HELZ: variants seen among roughly 807,000 people sequenced by gnomAD.
HELZ encodes ATP-dependent RNA helicase with zinc finger domain.
HELZ carries 23 observed loss-of-function variants against 218.2 expected under a neutral mutation model. The observed-to-expected ratio is 0.11, with a 90% CI of 0.08 to 0.15. The LOEUF (loss-of-function observed/expected upper bound fraction) is 0.15. Among genes scored for constraint, HELZ ranks in the 10% least tolerant of loss-of-function variants. HELZ has a pLI of 1.00. For missense variants in HELZ, 1,813 were observed against 2,353.7 expected (o/e 0.77, Z 4.75); for synonymous variants, 814 against 829.4 (o/e 0.98, Z 0.32).
intron 4 of HELZ, among the ~76,000 whole-genome samples, chr17:67,216,803 C>T (rs1402968956): frequency 6.6e-6 from 1 of 152,184 alleles, no homozygotes; most frequent in East Asian, 1.9e-4. Context: ...CACTACTCCT[C>T]ATTTCCTCAC....
intron 12 of HELZ, among the ~76,000 whole-genome samples, chr17:67,183,171 A>T (rs1170595361): frequency 6.6e-6 from 1 of 152,224 alleles, no homozygotes; most frequent in African/African-American, 2.4e-5. Context: ...TAACAATAAA[A>T]TAAAATCCCA....
At chr17:67,217,135 C>G (rs1412555823) in intron 4 of HELZ, among the ~76,000 whole-genome samples, 2 of 152,270 alleles carry the variant, frequency 1.3e-5, no homozygotes, top group East Asian at 3.9e-4. Context: ...AATGACATCT[C>G]AAACTCAGTA....
At chr17:67,212,135 A>G (rs2040468662) in intron 5 of HELZ, among the ~76,000 whole-genome samples, 1 of 151,822 alleles carries the variant, frequency 6.6e-6, no homozygotes, top group Non-Finnish European at 1.5e-5. Context: ...CAGCCTGGCC[A>G]ACATGGTGAA....
intron 5 of HELZ, among the ~76,000 whole-genome samples, chr17:67,211,500 G>A (rs911599649): frequency 2.6e-5 from 4 of 152,118 alleles, no homozygotes; most frequent in Admixed American, 2.6e-4. Flanking sequence ...CCAAAGTTTT[G>A]AGAATATGAA....
Position 67,108,515 on chromosome 17 carries a change from A to G in HELZ, c.4701T>C (p.Asp1567=), listed in dbSNP as rs1598235837. Residue 1567 remains aspartate (D), a synonymous_variant, in exon 30 of 33, where the codon GAT becomes GAC. Coordinates refer to ENST00000358691, the MANE Select transcript of HELZ (RefSeq NM_014877.4). This position sits in a 1 kb window ranked among gnomAD's most constrained non-coding sequence, Gnocchi z 4.1. ...ADWKLTSSAE[D]EVETTYSRFQ... ...ACCTTGAGTATGTGGTCTCCACTTCATCTTCGGCACTGCTGGTGAGCTTCC... is the reference window on the plus strand; with the variant it reads ...ACCTTGAGTATGTGGTCTCCACTTCGTCTTCGGCACTGCTGGTGAGCTTCC... The G allele has an allele frequency of 6.2e-7, 1 of 1,614,078 alleles. No homozygotes were observed. The highest frequency in any genetic ancestry group is 8.5e-7 in the Non-Finnish European group (1 of 1,179,992).
At position 67,167,628 on chromosome 17, in the gene HELZ, A is replaced by C. The variant is rs769617687; in HGVS notation, c.1599T>G (p.Ala533=). ...AGRLVMTKVN[A]VYLLPVPKQK... ...GTTTAGGGACTGGTAATAAATAAAC[A>C]GCATTGACTTTGGTCATCACCAGTC... Residue 533 remains alanine (A), a synonymous_variant, in exon 14 of 33, where the codon GCT becomes GCG. Transcript: ENST00000358691. 1.2e-6 allele frequency: 2 copies of C among 1,614,216 alleles called. No individual in the cohort carries two copies. Among genetic ancestry groups the C allele is most frequent in the Non-Finnish European group, 1.7e-6 (2 of 1,180,036 alleles).
At chr17:67,159,089 C>T (rs1221207272) in intron 17 of HELZ, among the ~76,000 whole-genome samples, 2 of 152,126 alleles carry the variant, frequency 1.3e-5, no homozygotes, top group Non-Finnish European at 2.9e-5. Context: ...ACACCTATAG[C>T]AAAAATGCTA....
At position 67,203,417 on chromosome 17, in the gene HELZ, C is replaced by T. The variant is rs1487504549; in HGVS notation, c.274G>A (p.Glu92Lys). The change falls in exon 6 of 33, where the codon GAA (glutamate) becomes AAA (lysine). Residue 92 changes from glutamate to lysine, a missense_variant. Glu to Lys is a moderately conservative substitution (Grantham distance 56). This residue lies in a region of HELZ where 714 missense variants were observed against 1,029.2 expected (regional missense o/e 0.69). Coordinates refer to ENST00000358691, the MANE Select transcript of HELZ (RefSeq NM_014877.4). Reference sequence around the variant, plus strand: ...CAAAGCACTGCCCGAAAGGCATCTTCTCCCTTGGCCAGTCCTTCTCCCAGC... The same window carrying T: ...CAAAGCACTGCCCGAAAGGCATCTTTTCCCTTGGCCAGTCCTTCTCCCAGC... ...HVLGEGLAKG[E>K]DAFRAVLCCM... The T allele has an allele frequency of 1.2e-6, 2 of 1,614,144 alleles. No individual in the cohort carries two copies. Among genetic ancestry groups the T allele is most frequent in the South Asian group, 2.2e-5 (2 of 91,080 alleles).
intron 32 of HELZ, among the ~76,000 whole-genome samples, chr17:67,080,461 T>C (rs2036154964): frequency 6.6e-6 from 1 of 152,224 alleles, no homozygotes; most frequent in East Asian, 1.9e-4. Flanking sequence ...ACCTTCTATT[T>C]AATTAAACAG....
intron 28 of HELZ, among the ~76,000 whole-genome samples, chr17:67,113,907 A>G (rs978214312): frequency 6.6e-6 from 1 of 152,248 alleles, no homozygotes; most frequent in African/African-American, 2.4e-5. Flanking sequence ...CAGAGAAAAT[A>G]GATGAATGGA....
chr17:67,224,830 C>A, intron 3 of HELZ: 1 of 1,027,854 alleles, frequency 9.7e-7, no homozygotes, highest in Non-Finnish European at 1.5e-6. Flanking sequence ...TCTGTATGCC[C>A]AGGGAAAGCA....
chr17:67,218,585 G>A lies in HELZ; in HGVS notation c.210+10C>T, dbSNP rs1298745996. The A allele has an allele frequency of 1.3e-6, 2 of 1,594,164 alleles. No homozygotes were observed. Among genetic ancestry groups the A allele is most frequent in the Non-Finnish European group, 1.7e-6 (2 of 1,161,804 alleles). ...AGTTCAGCATTGGCTTATTGACAGT[G>A]TTTACTCACCAGTTGCAAAAATGAG... is the stretch of plus-strand genomic sequence containing the variant. On this transcript the variant is annotated intron_variant, in intron 4 of 32. Coordinates refer to ENST00000358691, the MANE Select transcript of HELZ (RefSeq NM_014877.4).
At position 67,227,643 on chromosome 17, in the gene HELZ, C is replaced by T. The variant is rs181552319; in HGVS notation, c.-18-8821G>A. On this transcript the variant is annotated intron_variant, in intron 3 of 32. Transcript: ENST00000358691. Reference sequence around the variant, plus strand: ...CTCTCCAAATGGAACAATGATTGAGCTCTCTTGGCAAAAAATGTAGAATAC... The same window carrying T: ...CTCTCCAAATGGAACAATGATTGAGTTCTCTTGGCAAAAAATGTAGAATAC... Among the ~76,000 whole-genome samples, 14 of 152,236 alleles carry T rather than the reference C, an allele frequency of 9.2e-5. No homozygotes were observed. In the East Asian group the frequency reaches 2.7e-3, roughly 29 times the overall value.
chr17:67,089,694 G>GAGAGAGAGAGAGAGAGAGAGAGAC lies in HELZ; in HGVS notation c.5242-2614_5242-2613insGTCTCTCTCTCTCTCTCTCTCTCT, dbSNP rs776184027. ...AGAGAGAGAGAGAGAGAGAGAGAGA[G>GAGAGAGAGAGAGAGAGAGAGAGAC]AGAGAGACAGAGAGACAGAGAGAGA... is the stretch of plus-strand genomic sequence containing the variant. On this transcript the variant is annotated intron_variant, in intron 31 of 32. Coordinates refer to ENST00000358691, the MANE Select transcript of HELZ (RefSeq NM_014877.4). Among the ~76,000 whole-genome samples the GAGAGAGAGAGAGAGAGAGAGAGAC allele has an allele frequency of 1.8e-3, 185 of 100,556 alleles. 2 individuals are homozygous for GAGAGAGAGAGAGAGAGAGAGAGAC. The highest frequency in any genetic ancestry group is 7.6e-3 in the South Asian group (16 of 2,118). The allele number at this position is 100,556 out of a possible 152,430, so 66.0% of individuals were successfully genotyped here.
chr17:67,194,854 CT>C lies in HELZ; in HGVS notation c.481+564del, dbSNP rs1384466038. 2.0e-5 allele frequency among the ~76,000 whole-genome samples: 3 copies of C among 152,316 alleles called. No homozygotes were observed. In the South Asian group the frequency reaches 6.2e-4, roughly 32 times the overall value. On this transcript the variant is annotated intron_variant, in intron 8 of 32. Coordinates refer to ENST00000358691, the MANE Select transcript of HELZ (RefSeq NM_014877.4). ...CTTCATCTCTATACTAGCTGTGTGACTTTAGGGCAACTCATAAACCTTAATG... is the reference window on the plus strand; with the variant it reads ...CTTCATCTCTATACTAGCTGTGTGACTTAGGGCAACTCATAAACCTTAATG...
In HELZ at chr17:67,190,229, A is replaced by C. The variant is rs1336470885; in HGVS notation, c.684T>G (p.Asn228Lys). ...RLIKLKQQNE[N>K]KQLSGSYMET... ...CCATGTAACTGCCTGAGAGCTGTTTATTCTCATTTTGCTGTTTCAATTTTA... is the reference window on the plus strand; with the variant it reads ...CCATGTAACTGCCTGAGAGCTGTTTCTTCTCATTTTGCTGTTTCAATTTTA... Residue 228 changes from asparagine (N) to lysine (K), a missense_variant, in exon 10 of 33, where the codon AAT (asparagine) becomes AAG (lysine). Physicochemically the swap from Asn to Lys is moderately conservative, Grantham distance 94. Coordinates refer to ENST00000358691, the MANE Select transcript of HELZ (RefSeq NM_014877.4). 3.7e-6 allele frequency: 6 copies of C among 1,613,976 alleles called. No homozygotes were observed. Among genetic ancestry groups the C allele is most frequent in the Non-Finnish European group, 5.1e-6 (6 of 1,179,904 alleles).
At chr17:67,092,458 C>T (rs1411241245) in intron 31 of HELZ, among the ~76,000 whole-genome samples, 2 of 152,114 alleles carry the variant, frequency 1.3e-5, no homozygotes, top group African/African-American at 4.8e-5. Flanking sequence ...ATACAGGAAA[C>T]AGCTGGACTC....
rs1241678580 is a variant in HELZ, at chr17:67,092,969, T to TA, written c.5242-5889dup. Among the ~76,000 whole-genome samples the TA allele has an allele frequency of 4.7e-5, 7 of 149,748 alleles. No homozygotes were observed. In the East Asian group the frequency reaches 5.9e-4, roughly 13 times the overall value. ...GGTGACAGAGCAAAACTCTGTCTCA[T>TA]AAAAAAAAAGATAATCAAGGATTAC... On this transcript the variant is annotated intron_variant, in intron 31 of 32. Transcript: ENST00000358691.
chr17:67,194,742 A>G (rs1032007775), intron 8 of HELZ, among the ~76,000 whole-genome samples: 24 of 152,194 alleles, frequency 1.6e-4, no homozygotes, highest in African/African-American at 5.5e-4. Context: ...CAAGGAACTT[A>G]TAGCCATTTT....
Sources: allele counts gnomAD v4.1 joint callset (sites outside exome capture counted in the v4.1 genomes callset), GRCh38; gene constraint gnomAD v4.1.1; regional missense constraint gnomAD v4.1.1; non-coding constraint Gnocchi (gnomAD v3.1); transcripts MANE v1.5; gene names NCBI Gene and HGNC (gene_info 2026-07-23, HGNC 2026-07-21).